Variants in PCDH15 observed in about 807,000 individuals in gnomAD.
The protein encoded by PCDH15 is protocadherin related 15.
Under a neutral mutation model 178.5 loss-of-function variants are expected in PCDH15, and 129 were observed. The ratio of observed to expected loss-of-function variants is 0.72; its 90% CI spans 0.63 to 0.84. The LOEUF (loss-of-function observed/expected upper bound fraction) is 0.84, where lower values mean the gene tolerates loss of function less well. Among genes scored for constraint, PCDH15 ranks in the 40% least tolerant of loss-of-function variants. The pLI, the probability that PCDH15 is intolerant of heterozygous loss-of-function variation, is 0.00. For synonymous variants in PCDH15, 800 were observed against 732.0 expected, an observed-to-expected ratio of 1.09 and a Z score of -1.50; for missense variants, 2,230 against 2,099.9, an observed-to-expected ratio of 1.06 and a Z score of -1.21.
chr10:54,660,560 T>G (rs1176363540), intron 2 of PCDH15, among the ~76,000 whole-genome samples: 2 of 152,024 alleles, frequency 1.3e-5, no homozygotes, highest in Non-Finnish European at 2.9e-5. Context: ...CCATCTTGTA[T>G]AAACTAATAA....
chr10:54,589,336 A>G (rs994475297), intron 2 of PCDH15, among the ~76,000 whole-genome samples: 11 of 152,172 alleles, frequency 7.2e-5, no homozygotes, highest in Admixed American at 7.2e-4. Flanking sequence ...AAGAAATAAA[A>G]TTAGGTAATT....
intron 9 of PCDH15, among the ~76,000 whole-genome samples, chr10:54,220,801 G>T (rs1390223722): frequency 6.6e-6 from 1 of 150,802 alleles, no homozygotes; most frequent in Non-Finnish European, 1.5e-5. Context: ...CTCCAGCCTG[G>T]GCGACAGAGC....
At chr10:54,459,583 A>G (rs1167945350) in intron 3 of PCDH15, among the ~76,000 whole-genome samples, 1 of 152,132 alleles carries the variant, frequency 6.6e-6, no homozygotes, top group Non-Finnish European at 1.5e-5. Context: ...GATTTTAGAG[A>G]TTGACGTGAA....
intron 1 of PCDH15, among the ~76,000 whole-genome samples, chr10:55,230,427 T>G (rs1841180667): frequency 6.6e-6 from 1 of 152,142 alleles, no homozygotes; most frequent in African/African-American, 2.4e-5. Flanking sequence ...ATTTAAGTAA[T>G]ATTTACTCAG....
At chr10:55,049,874 C>A (rs941422761) in intron 2 of PCDH15, among the ~76,000 whole-genome samples, 20 of 151,948 alleles carry the variant, frequency 1.3e-4, no homozygotes, top group African/African-American at 4.1e-4. Flanking sequence ...ACATTCCTGG[C>A]AATTTTGCAA....
chr10:54,096,387 TAC>T (rs1449683411), intron 15 of PCDH15, among the ~76,000 whole-genome samples: 1 of 152,130 alleles, frequency 6.6e-6, no homozygotes, highest in East Asian at 1.9e-4. Context: ...CATTAACTGC[TAC>T]TCTTCATTGT....
At chr10:55,459,163 T>C (rs1219608973) in intron 2 of PCDH15, among the ~76,000 whole-genome samples, 1 of 146,770 alleles carries the variant, frequency 6.8e-6, no homozygotes, top group African/African-American at 2.6e-5. Flanking sequence ...AAGAATTGAT[T>C]ATCATTCTTA....
chr10:53,823,342 G>C, intron 32 of PCDH15: 2 of 1,613,548 alleles, frequency 1.2e-6, no homozygotes, highest in Non-Finnish European at 1.7e-6. Flanking sequence ...TGTTGAAAAT[G>C]GTAGAGAAGG....
At chr10:54,863,674 G>A (rs1318102916) in intron 3 of PCDH15, among the ~76,000 whole-genome samples, 1 of 152,146 alleles carries the variant, frequency 6.6e-6, no homozygotes, top group African/African-American at 2.4e-5. Flanking sequence ...TCCAAGTGTT[G>A]GAAATGCAAA....
chr10:54,029,724 A>T (rs2135406658), intron 18 of PCDH15, among the ~76,000 whole-genome samples: 1 of 152,282 alleles, frequency 6.6e-6, no homozygotes, highest in East Asian at 1.9e-4. Flanking sequence ...TTGAAAAGGG[A>T]AAAGGGAAAT....
intron 8 of PCDH15, among the ~76,000 whole-genome samples, chr10:54,294,331 G>T (rs1174704811): frequency 6.6e-6 from 1 of 151,742 alleles, no homozygotes; most frequent in Admixed American, 6.6e-5. Flanking sequence ...GGGGGCTGGG[G>T]AAGGGATAGC....
At chr10:55,355,724 TAA>T (rs568746493) in intron 2 of PCDH15, among the ~76,000 whole-genome samples, 189 of 152,120 alleles carry the variant, frequency 1.2e-3, no homozygotes, top group African/African-American at 3.9e-3. Flanking sequence ...CCATTCACAT[TAA>T]AAAGTTTTCT....
At chr10:55,564,681 A>C (rs2132102811) in intron 2 of PCDH15, among the ~76,000 whole-genome samples, 1 of 151,794 alleles carries the variant, frequency 6.6e-6, no homozygotes, top group South Asian at 2.1e-4. Context: ...GCTCCATGTA[A>C]ACAGTAACCA....
At chr10:54,359,448 T>G (rs1217888700) in intron 5 of PCDH15, among the ~76,000 whole-genome samples, 1 of 152,018 alleles carries the variant, frequency 6.6e-6, no homozygotes, top group African/African-American at 2.4e-5. Flanking sequence ...CACTTAGGTC[T>G]AAATTGTTCT....
chr10:54,396,028 GAAGAA>G (rs1951173472), intron 3 of PCDH15, among the ~76,000 whole-genome samples: 1 of 152,130 alleles, frequency 6.6e-6, no homozygotes, highest in Admixed American at 6.6e-5. Context: ...AGAAGCAGAT[GAAGAA>G]AAGCTCTCTG....
intron 5 of PCDH15, among the ~76,000 whole-genome samples, chr10:54,352,004 A>G (rs536702064): frequency 6.6e-6 from 1 of 152,336 alleles, no homozygotes; most frequent in South Asian, 2.1e-4. Flanking sequence ...GTCCTCCACA[A>G]ATCATAATAT....
At chr10:55,101,509 A>T (rs79838149) in intron 2 of PCDH15, among the ~76,000 whole-genome samples, 5,378 of 152,112 alleles carry the variant, frequency 0.035, 337 homozygotes, top group African/African-American at 0.12. Flanking sequence ...CTGGGCTACA[A>T]AATCTAATGT....
At chr10:55,040,570 A>G (rs1468375236) in intron 2 of PCDH15, among the ~76,000 whole-genome samples, 3 of 152,142 alleles carry the variant, frequency 2.0e-5, no homozygotes, top group East Asian at 3.8e-4. Flanking sequence ...TTAGCATTCT[A>G]TATTTTCTTG....
intron 1 of PCDH15, among the ~76,000 whole-genome samples, chr10:55,202,780 C>A (rs1840289289): frequency 6.6e-6 from 1 of 152,102 alleles, no homozygotes; most frequent in South Asian, 2.1e-4. Flanking sequence ...TGAGTTCTCA[C>A]AAGATCTGAT....
Sources: gnomAD v4.1 joint callset for allele counts (sites outside exome capture counted in the v4.1 genomes callset) on GRCh38, gnomAD v4.1.1 for gene constraint, MANE v1.5 for transcripts, NCBI Gene and HGNC (gene_info 2026-07-23, HGNC 2026-07-21) for gene names.